The following APEH variants were observed in gnomAD, a reference collection of about 807,000 sequenced individuals.
APEH encodes acylamino-acid-releasing enzyme.
A neutral mutation model predicts 102.7 loss-of-function variants in APEH; 75 were observed. The observed-to-expected ratio is 0.73, with a 90% confidence interval of 0.61 to 0.89. APEH has a LOEUF of 0.89. Ranked by LOEUF, APEH falls within the 40% of genes least tolerant of loss-of-function variation. The probability of loss-of-function intolerance (pLI) is 0.00; values close to 1 mark genes in which losing one functional copy is unlikely to be tolerated. For synonymous variants in APEH, 344 were observed against 362.7 expected, an observed-to-expected ratio of 0.95 and a Z score of 0.59; for missense variants, 863 against 941.2, an observed-to-expected ratio of 0.92 and a Z score of 1.09.
chr3:49,682,436 G>C lies in APEH; in HGVS notation c.1692G>C (p.Gln564His), dbSNP rs1395951261. Residue 564 changes from glutamine to histidine, a missense_variant and splice_region_variant, in exon 18 of 22, where the codon CAG (glutamine) becomes CAC (histidine). By Grantham distance (24) the Gln-to-His change is conservative. Coordinates refer to ENST00000296456, the MANE Select transcript of APEH (RefSeq NM_001640.4). ...GCCACCAGGATGTGAAGGATGTCCA[G>C]GTAGCAGGGGCTGGGGCTTCTGGAC... ...NVGHQDVKDV[Q>H]FAVEQVLQEE... The C allele has an allele frequency of 6.2e-7, 1 of 1,613,748 alleles. No individual in the cohort carries two copies. Among genetic ancestry groups the C allele is most frequent in the African/African-American group, 1.3e-5 (1 of 74,946 alleles).
intron 15 of APEH, 28 bp from the exon 16 acceptor site, chr3:49,681,694 C>G (rs1478684653): frequency 6.5e-7 from 1 of 1,531,188 alleles, no homozygotes; most frequent in East Asian, 2.3e-5. Flanking sequence ...CTAGGCTCAC[C>G]CTGCTGACTG....
rs747417158 is a variant in APEH, at chr3:49,675,675, T to G, written c.273-19T>G. On this transcript the variant is annotated intron_variant, in intron 3 of 21. Transcript: ENST00000296456. The stretch of plus-strand genomic sequence containing the variant: ...GTTATTGCAAGATAATCCTGACCTG[T>G]GCTACCCCATGTCCACAGACTGCTG... 1 of 1,603,312 alleles carries G rather than the reference T, an allele frequency of 6.2e-7. No individual in the cohort carries two copies. The highest frequency in any genetic ancestry group is 2.2e-5 in the East Asian group (1 of 44,820).
chr3:49,677,134 C>T, intron 10 of APEH, 110 bp downstream of exon 10: 1 of 1,483,216 alleles, frequency 6.7e-7, no homozygotes, highest in Non-Finnish European at 9.2e-7. Context: ...AGGTGCCCTT[C>T]TGTCCTCAAT....
At chr3:49,678,709 C>G in intron 11 of APEH, 143 bp from the exon 12 acceptor site, 1 of 707,484 alleles carries the variant, frequency 1.4e-6, no homozygotes, top group African/African-American at 1.8e-5. Context: ...CGTAGCGTGC[C>G]CCCATGTGTG....
chr3:49,675,371 T>C, intron 3 of APEH, 62 bp downstream of exon 3: 1 of 1,595,046 alleles, frequency 6.3e-7, no homozygotes, highest in Non-Finnish European at 8.5e-7. Context: ...AAGCCTTTTA[T>C]GAATGCTCAC....
chr3:49,676,058 T>G lies in APEH; in HGVS notation c.445T>G (p.Cys149Gly). The change falls in exon 6 of 22, where the codon TGC becomes GGC. Residue 149 changes from cysteine to glycine, a missense_variant and splice_region_variant. By Grantham distance (159) the Cys-to-Gly change is radical. Coordinates refer to ENST00000296456, the MANE Select transcript of APEH (RefSeq NM_001640.4). Reference protein sequence around the residue: ...EKHGPVYEDDCFGCLSWSHSE... With the variant: ...EKHGPVYEDDGFGCLSWSHSE... The stretch of plus-strand genomic sequence containing the variant: ...TGATTGGCCCTCCCTGCACCCAGAC[T>G]GCTTTGGCTGCCTGTCCTGGTCGCA... 6.2e-7 allele frequency: 1 copy of G among 1,614,226 alleles called. No individual in the cohort carries two copies. Among genetic ancestry groups the G allele is most frequent in the Middle Eastern group, 1.6e-4 (1 of 6,062 alleles).
In APEH at chr3:49,682,674, C is replaced by T. The variant is rs377618583; in HGVS notation, c.1821C>T (p.Cys607=). The T allele has an allele frequency of 1.4e-5, 22 of 1,614,012 alleles. No individual in the cohort carries two copies. The highest frequency in any genetic ancestry group is 2.2e-5 in the East Asian group (1 of 44,874). ...IGQYPETYRA[C]VARNPVINIA... is the part of the protein sequence containing the mutation. Reference sequence around the variant, plus strand: ...AGTACCCAGAGACCTACAGGGCCTGCGTGGCCCGGAACCCCGTGATCAACA... The same window carrying T: ...AGTACCCAGAGACCTACAGGGCCTGTGTGGCCCGGAACCCCGTGATCAACA... The change falls in exon 19 of 22, where the codon TGC becomes TGT. Residue 607 remains cysteine (C), a synonymous_variant. Transcript: ENST00000296456.
chr3:49,679,034 G>A lies in APEH; in HGVS notation c.1158+85G>A. 1.8e-6 allele frequency: 2 copies of A among 1,107,006 alleles called. No individual in the cohort carries two copies. The allele number at this position is 1,107,006 out of a possible 1,614,324, so 68.6% of individuals were successfully genotyped here. ...GGGTTGCATGTGCATGCCCCTGGGT[G>A]GAATGCCCAGCCACAAAGTCTCATC... On this transcript the variant is annotated intron_variant, in intron 12 of 21. Coordinates refer to ENST00000296456, the MANE Select transcript of APEH (RefSeq NM_001640.4). The surrounding 1 kb of genome is among the most constrained non-coding windows in gnomAD (Gnocchi z 4.3).
chr3:49,674,505 C>G lies in APEH; in HGVS notation c.29C>G (p.Pro10Arg). 1.3e-6 allele frequency: 2 copies of G among 1,568,668 alleles called. No individual in the cohort carries two copies. The highest frequency in any genetic ancestry group is 1.7e-6 in the Non-Finnish European group (2 of 1,164,064). ...CCTGCGCAGGTGCTGCTGAGCGAGC[C>G]CGAGGAGGCGGCGGCTCTGTATCGG... MERQVLLSE[P>R]EEAAALYRGL... Residue 10 changes from proline (P) to arginine (R), a missense_variant, in exon 2 of 22, where the codon CCC (proline) becomes CGC (arginine). Coordinates refer to ENST00000296456, the MANE Select transcript of APEH (RefSeq NM_001640.4).
chr3:49,680,083 G>T, intron 13 of APEH: 1 of 241,098 alleles, frequency 4.1e-6, no homozygotes, highest in Non-Finnish European at 8.4e-6. Context: ...TAGGCCTGGT[G>T]ATTCTGCCTT....
Position 49,682,687 on chromosome 3 carries a change from C to A in APEH, c.1834C>A (p.Pro612Thr). 6.2e-7 allele frequency: 1 copy of A among 1,613,980 alleles called. No homozygotes were observed. The highest frequency in any genetic ancestry group is 8.5e-7 in the Non-Finnish European group (1 of 1,180,008). Residue 612 changes from proline (P) to threonine (T), a missense_variant, in exon 19 of 22, where the codon CCC becomes ACC. Physicochemically the swap from Pro to Thr is conservative, Grantham distance 38. Coordinates refer to ENST00000296456, the MANE Select transcript of APEH (RefSeq NM_001640.4). Reference sequence around the variant, plus strand: ...CTACAGGGCCTGCGTGGCCCGGAACCCCGTGATCAACATCGCCTCCATGTT... The same window carrying A: ...CTACAGGGCCTGCGTGGCCCGGAACACCGTGATCAACATCGCCTCCATGTT... ...ETYRACVARNPVINIASMLGS... is the reference protein window; with the variant it reads ...ETYRACVARNTVINIASMLGS...
Position 49,683,247 on chromosome 3 carries a change from T to C in APEH, c.2104T>C (p.Tyr702His). 1 of 1,613,894 alleles carries C rather than the reference T, an allele frequency of 6.2e-7. No individual in the cohort carries two copies. The highest frequency in any genetic ancestry group is 1.3e-5 in the African/African-American group (1 of 75,050). ...TRNVPVRLLL[Y>H]PKSTHALSEV... is the part of the protein sequence containing the mutation. ...GACTAATCCCTACAGGCTCCTGCTCTATCCCAAAAGCACCCACGCATTATC... is the reference window on the plus strand; with the variant it reads ...GACTAATCCCTACAGGCTCCTGCTCCATCCCAAAAGCACCCACGCATTATC... Residue 702 changes from tyrosine to histidine, a missense_variant, in exon 22 of 22, where the codon TAT becomes CAT. Transcript: ENST00000296456.
At position 49,679,510 on chromosome 3, in the gene APEH, T is replaced by C; in HGVS notation, c.1159-83T>C. ...GTCTGGCCAGGGCTCTCCAAGAGGGTAGAGAGGAGGTAGGGGAGGGACCCA... is the reference window on the plus strand; with the variant it reads ...GTCTGGCCAGGGCTCTCCAAGAGGGCAGAGAGGAGGTAGGGGAGGGACCCA... On this transcript the variant is annotated intron_variant, in intron 12 of 21. Transcript: ENST00000296456. The surrounding 1 kb of genome is among the most constrained non-coding windows in gnomAD (Gnocchi z 4.3). 6.9e-7 allele frequency: 1 copy of C among 1,440,642 alleles called. No individual in the cohort carries two copies. The highest frequency in any genetic ancestry group is 1.2e-5 in the South Asian group (1 of 86,360). 89.2% of individuals were successfully genotyped at this position (1,440,642 alleles called of 1,614,324 possible).
In APEH at chr3:49,676,783, C is replaced by T. The variant is rs1335049698; in HGVS notation, c.843C>T (p.Ala281=). Residue 281 remains alanine (A), a synonymous_variant, in exon 9 of 22, where the codon GCC becomes GCT. Coordinates refer to ENST00000296456, the MANE Select transcript of APEH (RefSeq NM_001640.4). ...GTCTGTCTCGTGGTTCCAGGTCAGC[C>T]CTGTATTATGTGGACCTCATCGGGG... The part of the protein sequence containing the change: ...GIRFCTNRRS[A]LYYVDLIGGK... The T allele has an allele frequency of 1.2e-6, 2 of 1,614,110 alleles. No individual in the cohort carries two copies. The highest frequency in any genetic ancestry group is 1.3e-5 in the African/African-American group (1 of 74,932).
At chr3:49,674,274 C>T (rs140437390), upstream of APEH, 1,502 of 1,258,270 alleles carry the variant, frequency 1.2e-3, 19 homozygotes, top group African/African-American at 0.021. Flanking sequence ...TAGCCGAAGG[C>T]CCCGCCCCTC....
In APEH at chr3:49,683,946, G is replaced by C; in HGVS notation, c.*604G>C. The C allele has an allele frequency of 6.4e-7, 1 of 1,553,952 alleles. No individual in the cohort carries two copies. ...TGGAAGCAAAGGCTAAGAAGCATCT[G>C]TACAGGCATAAAGAGGAAACATGGC... On this transcript the variant is annotated 3_prime_UTR_variant, in exon 22 of 22. Coordinates refer to ENST00000296456, the MANE Select transcript of APEH (RefSeq NM_001640.4).
intron 3 of APEH, 89 bp from the exon 4 acceptor site, chr3:49,675,605 C>A: frequency 1.5e-6 from 2 of 1,341,430 alleles, no homozygotes; most frequent in Non-Finnish European, 2.1e-6. Flanking sequence ...GCCAGAGCCT[C>A]AAGAATCTCT....
chr3:49,681,212 C>T lies in APEH; in HGVS notation c.1411C>T (p.Pro471Ser). 1.2e-6 allele frequency: 2 copies of T among 1,604,790 alleles called. No homozygotes were observed. Among genetic ancestry groups the T allele is most frequent in the Non-Finnish European group, 1.7e-6 (2 of 1,175,062 alleles). Residue 471 changes from proline to serine, a missense_variant, in exon 15 of 22, where the codon CCC (proline) becomes TCC (serine). By Grantham distance (74) the Pro-to-Ser change is moderately conservative. Transcript: ENST00000296456. ...CTGGGGCATCCGGGTGCTACAGCCA[C>T]CCCCAGAGCAAGAGAATGTGCAGTA... ...IHWGIRVLQP[P>S]PEQENVQYAG...
chr3:49,678,721 T>A, intron 11 of APEH, 131 bp from the exon 12 acceptor site: 1 of 769,066 alleles, frequency 1.3e-6, no homozygotes, highest in South Asian at 1.6e-5. Context: ...CCATGTGTGC[T>A]ACAAGCTGCA....
Sources: allele counts gnomAD v4.1 joint callset, GRCh38; gene constraint gnomAD v4.1.1; non-coding constraint Gnocchi (gnomAD v3.1); transcripts MANE v1.5; gene names NCBI Gene and HGNC (gene_info 2026-07-23, HGNC 2026-07-21).